ASIP: variants seen among roughly 807,000 people sequenced by gnomAD.
ASIP encodes the protein agouti-signaling protein.
A neutral mutation model predicts 10.3 loss-of-function variants in ASIP; 11 were observed. The observed-to-expected ratio is 1.07, with a 90% CI of 0.68 to 1.78. ASIP has a LOEUF of 1.78. Among genes scored for constraint, ASIP ranks in the 40% most tolerant of loss-of-function variants. ASIP has a pLI of 0.00. For synonymous variants in ASIP, 70 were observed against 70.8 expected (o/e 0.99, Z 0.06); for missense variants, 180 against 169.2 (o/e 1.06, Z -0.35).
intron 3 of ASIP, among the ~76,000 whole-genome samples, chr20:34,267,459 C>CAAAAAAAAAA (rs953440256): frequency 2.2e-5 from 1 of 46,276 alleles, no homozygotes; most frequent in South Asian, 9.6e-4. Context: ...AACTGGCTCT[C>CAAAAAAAAAA]AAAAAAAAAA....
At chr20:34,235,840 A>AG (rs2035181918) in intron 1 of ASIP, among the ~76,000 whole-genome samples, 1 of 53,754 alleles carries the variant, frequency 1.9e-5, no homozygotes, top group African/African-American at 1.9e-4. Context: ...AAAGAAAGAA[A>AG]GAAGGAAGGA....
At chr20:34,197,529 T>C (rs1173708415) in intron 1 of ASIP, among the ~76,000 whole-genome samples, 4 of 152,198 alleles carry the variant, frequency 2.6e-5, no homozygotes. Flanking sequence ...TGCCTCCTTA[T>C]GTCCTGTAGC....
At chr20:34,255,597 ATTAG>A (rs2035553768) in intron 1 of ASIP, among the ~76,000 whole-genome samples, 1 of 152,262 alleles carries the variant, frequency 6.6e-6, no homozygotes, top group South Asian at 2.1e-4. Flanking sequence ...ATCATTAATC[ATTAG>A]TTTGTAGCAT....
At chr20:34,258,795 T>C (rs1249949838) in intron 1 of ASIP, among the ~76,000 whole-genome samples, 3 of 117,954 alleles carry the variant, frequency 2.5e-5, no homozygotes, top group African/African-American at 6.0e-5. Flanking sequence ...ATATAGTGTA[T>C]ATATAATATA....
chr20:34,257,985 A>C (rs1345336107), intron 1 of ASIP, among the ~76,000 whole-genome samples: 2 of 152,120 alleles, frequency 1.3e-5, no homozygotes, highest in Non-Finnish European at 2.9e-5. Flanking sequence ...CTCTACAAAA[A>C]ATACAAAAAT....
chr20:34,190,659 T>C (rs2034819321), upstream of ASIP, among the ~76,000 whole-genome samples: 1 of 152,256 alleles, frequency 6.6e-6, no homozygotes, highest in Non-Finnish European at 1.5e-5. Flanking sequence ...TTCGGAATTC[T>C]GTATCTCATC....
chr20:34,215,803 A>T lies in ASIP; in HGVS notation c.-11+21043A>T. 3 of 1,539,708 alleles carry T rather than the reference A, an allele frequency of 1.9e-6. No homozygotes were observed. In the Admixed American group the frequency reaches 5.0e-5, roughly 26 times the overall value. ...CACACACCTGCCAGGCATCTGGGGAAATCTTTAACTGCTCAAAATAGGCCA... is the reference window on the plus strand; with the variant it reads ...CACACACCTGCCAGGCATCTGGGGATATCTTTAACTGCTCAAAATAGGCCA... On this transcript the variant is annotated intron_variant, in intron 1 of 3. Transcript: ENST00000568305.
At chr20:34,215,088 A>G in intron 1 of ASIP, 1 of 1,564,230 alleles carries the variant, frequency 6.4e-7, no homozygotes, top group Non-Finnish European at 8.8e-7. Context: ...GTAATACTTG[A>G]CACAAAGATT....
intron 1 of ASIP, chr20:34,214,246 C>A: frequency 1.4e-6 from 2 of 1,399,550 alleles, no homozygotes; most frequent in East Asian, 2.3e-5. Context: ...TTGCTCTGAA[C>A]TTTTGCACTG....
intron 1 of ASIP, among the ~76,000 whole-genome samples, chr20:34,235,840 A>AGAAAGAAG (rs2035181989): frequency 3.2e-4 from 17 of 53,786 alleles, no homozygotes; most frequent in Admixed American, 4.3e-4. Flanking sequence ...AAAGAAAGAA[A>AGAAAGAAG]GAAGGAAGGA....
At chr20:34,260,620 C>A in intron 2 of ASIP, 86 bp downstream of exon 2, 5 of 1,385,728 alleles carry the variant, frequency 3.6e-6, no homozygotes, top group Non-Finnish European at 4.9e-6. Flanking sequence ...CAGGATCCAC[C>A]GCCATGGTCA....
intron 1 of ASIP, chr20:34,213,498 TA>T: frequency 6.9e-7 from 1 of 1,443,418 alleles, no homozygotes; most frequent in Non-Finnish European, 9.4e-7. Context: ...AGTCTGTCTC[TA>T]AAGCAGCAGA....
chr20:34,209,741 G>A (rs2030532320), intron 1 of ASIP, among the ~76,000 whole-genome samples: 1 of 152,224 alleles, frequency 6.6e-6, no homozygotes, highest in African/African-American at 2.4e-5. Flanking sequence ...GGGAAGCTAA[G>A]GAGGGGCCGA....
chr20:34,216,681 C>T (rs1250042375), intron 1 of ASIP, among the ~76,000 whole-genome samples: 2 of 152,128 alleles, frequency 1.3e-5, no homozygotes, highest in Admixed American at 1.3e-4. Context: ...AACAGGCATT[C>T]CTTTGCCTCA....
intron 1 of ASIP, among the ~76,000 whole-genome samples, chr20:34,222,670 G>A (rs1053354267): frequency 2.6e-5 from 4 of 151,748 alleles, no homozygotes; most frequent in Non-Finnish European, 4.4e-5. Flanking sequence ...CTCTCCCCAC[G>A]GTCTCCCTCT....
chr20:34,195,195 T>C lies in ASIP; in HGVS notation c.-11+435T>C, dbSNP rs1221612521. On this transcript the variant is annotated intron_variant, in intron 1 of 3. Coordinates refer to the ASIP transcript ENST00000568305. ...ACCAGAATGCAGAGCCCTACTGAGC[T>C]GTAGGAATGCAGAACCCTACTGAGC... 2.6e-5 allele frequency among the ~76,000 whole-genome samples: 4 copies of C among 151,424 alleles called. No individual in the cohort carries two copies. The East Asian group carries it at 7.8e-4, about 29-fold the overall frequency.
chr20:34,201,027 T>C (rs1212576161), intron 1 of ASIP, among the ~76,000 whole-genome samples: 2 of 97,434 alleles, frequency 2.1e-5, no homozygotes, highest in African/African-American at 5.2e-5. Context: ...CTTCTTTCTT[T>C]CTTTCTTTCT....
At chr20:34,245,131 C>T (rs1287781673) in intron 1 of ASIP, among the ~76,000 whole-genome samples, 4 of 151,722 alleles carry the variant, frequency 2.6e-5, no homozygotes, top group African/African-American at 9.7e-5. Context: ...GTCAGGAGTT[C>T]GAGACCAGCC....
intron 1 of ASIP, among the ~76,000 whole-genome samples, chr20:34,259,633 C>T (rs980067465): frequency 2.0e-5 from 3 of 151,952 alleles, no homozygotes; most frequent in African/African-American, 7.3e-5. Flanking sequence ...GTAGCCCTAG[C>T]TACTGGGGCA....
Sources: allele counts gnomAD v4.1 joint callset (sites outside exome capture counted in the v4.1 genomes callset), GRCh38; gene constraint gnomAD v4.1.1; transcripts MANE v1.5; gene names NCBI Gene and HGNC (gene_info 2026-07-23, HGNC 2026-07-21).